The following MC2R variants were observed in gnomAD, a reference collection of about 807,000 sequenced individuals.
MC2R encodes melanocortin 2 receptor.
MC2R carries 9 observed loss-of-function variants against 9.8 expected under a neutral mutation model. That is an observed-to-expected ratio of 0.92 (90% confidence interval 0.55 to 1.60). The LOEUF is 1.60. MC2R is among the 40% of genes most tolerant of loss of function. The pLI, the probability that MC2R is intolerant of heterozygous loss-of-function variation, is 0.00. For missense variants in MC2R, 370 were observed against 389.0 expected, an observed-to-expected ratio of 0.95 and a Z score of 0.41; for synonymous variants, 185 against 154.7, an observed-to-expected ratio of 1.20 and a Z score of -1.45.
At chr18:13,891,815 T>A (rs917310909) in intron 1 of MC2R, among the ~76,000 whole-genome samples, 3 of 152,136 alleles carry the variant, frequency 2.0e-5, no homozygotes, top group Admixed American at 1.3e-4. Context: ...CCATCCCACC[T>A]CAACATTTGA....
At chr18:13,900,533 T>G (rs1798903482) in intron 1 of MC2R, among the ~76,000 whole-genome samples, 1 of 151,746 alleles carries the variant, frequency 6.6e-6, no homozygotes, top group African/African-American at 2.4e-5. Context: ...AAGACACACA[T>G]GGACTGAAAA....
intron 1 of MC2R, among the ~76,000 whole-genome samples, chr18:13,896,388 G>A (rs759544644): frequency 2.0e-5 from 3 of 152,210 alleles, no homozygotes; most frequent in Non-Finnish European, 2.9e-5. Flanking sequence ...TGAAAAGTGT[G>A]AGAGGTAACT....
At chr18:13,890,007 T>G (rs1378829946) in intron 1 of MC2R, among the ~76,000 whole-genome samples, 1 of 152,198 alleles carries the variant, frequency 6.6e-6, no homozygotes, top group African/African-American at 2.4e-5. Context: ...AGCGCTTCCA[T>G]GAATATTCAT....
chr18:13,914,042 A>G (rs1416175827), intron 1 of MC2R, among the ~76,000 whole-genome samples: 1 of 151,360 alleles, frequency 6.6e-6, no homozygotes, highest in African/African-American at 2.5e-5. Context: ...TGGGATCATT[A>G]ACAAGGTAAA....
Position 13,884,587 on chromosome 18 carries a change from G to A in MC2R, c.*38C>T, listed in dbSNP as rs1567895263. 7.5e-6 allele frequency: 12 copies of A among 1,604,762 alleles called. No homozygotes were observed. Among genetic ancestry groups the A allele is most frequent in the Non-Finnish European group, 9.3e-6 (11 of 1,177,310 alleles). On this transcript the variant is annotated 3_prime_UTR_variant, in exon 2 of 2. Transcript: ENST00000327606. ...TTACACTATTCTGGCACTTGGCAAC[G>A]TTATTCCCATGGATTCTAAAACCAG...
At chr18:13,901,820 C>G (rs2045381642) in intron 1 of MC2R, among the ~76,000 whole-genome samples, 1 of 152,198 alleles carries the variant, frequency 6.6e-6, no homozygotes, top group South Asian at 2.1e-4. Context: ...AGAACTAGTA[C>G]CAATCCTACT....
chr18:13,913,864 G>A (rs2045461005), intron 1 of MC2R, among the ~76,000 whole-genome samples: 1 of 152,198 alleles, frequency 6.6e-6, no homozygotes, highest in Non-Finnish European at 1.5e-5. Flanking sequence ...ATGGATCTGA[G>A]TTCCTTAGGA....
intron 1 of MC2R, among the ~76,000 whole-genome samples, chr18:13,902,294 C>A (rs1198413722): frequency 6.6e-6 from 1 of 151,934 alleles, no homozygotes; most frequent in African/African-American, 2.4e-5. Flanking sequence ...GCCATGCAAT[C>A]CCTATCAAAA....
intron 1 of MC2R, among the ~76,000 whole-genome samples, chr18:13,907,819 G>C (rs1231153152): frequency 6.6e-6 from 1 of 152,030 alleles, no homozygotes; most frequent in Non-Finnish European, 1.5e-5. Context: ...GAAAATCAAA[G>C]CTACAATGAG....
intron 1 of MC2R, among the ~76,000 whole-genome samples, chr18:13,888,010 G>A (rs1375722699): frequency 2.0e-5 from 3 of 152,088 alleles, no homozygotes; most frequent in Non-Finnish European, 2.9e-5. Context: ...GGCCATGTAT[G>A]GAGACTCTGC....
chr18:13,884,676 TG>T lies in MC2R; in HGVS notation c.842del (p.Pro281GlnfsTer10), dbSNP rs1184992557. 4 of 1,613,920 alleles carry T rather than the reference TG, an allele frequency of 2.5e-6. No homozygotes were observed. The highest frequency in any genetic ancestry group is 2.5e-6 in the Non-Finnish European group (3 of 1,180,038). On this transcript the variant is annotated frameshift_variant, in exon 2 of 2. Coordinates refer to ENST00000327606, the MANE Select transcript of MC2R (RefSeq NM_000529.2). LOFTEE classifies it high-confidence loss of function. ...IDPFIYAFRS[P>X]ELRDAFKKMI... ...TCTTTTTGAATGCGTCCCTGAGCTC[TG>T]GGCTCCGGAAGGCATATATGAAGGG...
At chr18:13,889,043 T>A (rs11875803) in intron 1 of MC2R, among the ~76,000 whole-genome samples, 6 of 152,178 alleles carry the variant, frequency 3.9e-5, no homozygotes, top group African/African-American at 1.4e-4. Flanking sequence ...GGGCAATAAA[T>A]GTCCACCCTT....
chr18:13,904,112 T>C (rs1009910324), intron 1 of MC2R, among the ~76,000 whole-genome samples: 16 of 151,766 alleles, frequency 1.1e-4, no homozygotes, highest in Non-Finnish European at 1.9e-4. Flanking sequence ...CGGTGGCTCA[T>C]GCCTGTAATC....
intron 1 of MC2R, among the ~76,000 whole-genome samples, chr18:13,909,249 A>G (rs1035319973): frequency 6.6e-6 from 1 of 152,166 alleles, no homozygotes; most frequent in African/African-American, 2.4e-5. Context: ...GGGGTTATGG[A>G]CCTTGCGGGA....
At chr18:13,902,198 A>G (rs1175015539) in intron 1 of MC2R, among the ~76,000 whole-genome samples, 1 of 152,170 alleles carries the variant, frequency 6.6e-6, no homozygotes, top group Non-Finnish European at 1.5e-5. Context: ...AAAATCCAAC[A>G]TCTCTTTATA....
At chr18:13,891,208 T>G (rs936506773) in intron 1 of MC2R, among the ~76,000 whole-genome samples, 3 of 152,212 alleles carry the variant, frequency 2.0e-5, no homozygotes, top group Non-Finnish European at 4.4e-5. Context: ...TGTACCTTGC[T>G]CTTATCTTGG....
chr18:13,886,832 C>T lies in MC2R; in HGVS notation c.-128-1186G>A, dbSNP rs1049443367. On this transcript the variant is annotated intron_variant, in intron 1 of 1. Coordinates refer to ENST00000327606, the MANE Select transcript of MC2R (RefSeq NM_000529.2). ...AGCACAGCCTATGATCTGAAGTCCA[C>T]GGGGAGCCCATCACGGCCTCACTCT... Among the ~76,000 whole-genome samples the T allele has an allele frequency of 5.3e-5, 8 of 152,084 alleles. 1 individual carries two copies. Among genetic ancestry groups the T allele is most frequent in the Admixed American group, 2.0e-4 (3 of 15,274 alleles).
chr18:13,890,518 C>T (rs1442319617), intron 1 of MC2R, among the ~76,000 whole-genome samples: 3 of 152,090 alleles, frequency 2.0e-5, no homozygotes, highest in Admixed American at 1.3e-4. Flanking sequence ...TGGGAGCTGT[C>T]ACGCGGCTGG....
At chr18:13,899,445 T>C (rs1362537611) in intron 1 of MC2R, among the ~76,000 whole-genome samples, 1 of 152,116 alleles carries the variant, frequency 6.6e-6, no homozygotes, top group Admixed American at 6.5e-5. Context: ...GGGTAGAAAA[T>C]TTATTTGAAG....
Sources: allele counts gnomAD v4.1 joint callset (sites outside exome capture counted in the v4.1 genomes callset), GRCh38; gene constraint gnomAD v4.1.1; transcripts MANE v1.5; gene names NCBI Gene and HGNC (gene_info 2026-07-23, HGNC 2026-07-21).